The following SUPT3H variants were observed in gnomAD, a reference collection of about 807,000 sequenced individuals.
SUPT3H encodes the protein SPT3 homolog, SAGA and STAGA complex component.
Under a neutral mutation model 44.3 loss-of-function variants are expected in SUPT3H, and 44 were observed. The ratio of observed to expected loss-of-function variants is 0.99; its 90% CI spans 0.78 to 1.28. The LOEUF is 1.28. Among genes scored for constraint, SUPT3H ranks in the 50% most tolerant of loss-of-function variants. The pLI is 0.00. For missense variants in SUPT3H, 380 were observed against 387.1 expected (o/e 0.98, Z 0.15); for synonymous variants, 124 against 125.6 (o/e 0.99, Z 0.09).
intron 10 of SUPT3H, among the ~76,000 whole-genome samples, chr6:44,885,825 A>C (rs576402087): frequency 5.9e-5 from 9 of 152,336 alleles, no homozygotes; most frequent in Admixed American, 1.3e-4. Flanking sequence ...TCCGAGCTAC[A>C]GGAGGAAATT....
At chr6:45,055,220 A>C (rs985848078) in intron 3 of SUPT3H, among the ~76,000 whole-genome samples, 1 of 152,182 alleles carries the variant, frequency 6.6e-6, no homozygotes, top group Non-Finnish European at 1.5e-5. Flanking sequence ...GGGTAGAATC[A>C]GTATTGTGAA....
chr6:45,161,456 G>C (rs1372651959), intron 2 of SUPT3H, among the ~76,000 whole-genome samples: 1 of 152,142 alleles, frequency 6.6e-6, no homozygotes, highest in Non-Finnish European at 1.5e-5. Context: ...TGAGAGTATG[G>C]ACACTAGAAA....
chr6:45,253,848 C>CAT (rs34256293), intron 2 of SUPT3H, among the ~76,000 whole-genome samples: 14,326 of 88,660 alleles, frequency 0.16, 1,854 homozygotes, highest in East Asian at 0.42. Context: ...CACATATACG[C>CAT]ATATATATAT....
At chr6:45,077,988 AAC>A (rs1795248758) in intron 3 of SUPT3H, among the ~76,000 whole-genome samples, 1 of 152,142 alleles carries the variant, frequency 6.6e-6, no homozygotes, top group African/African-American at 2.4e-5. Context: ...GGGGTGGGGG[AAC>A]ACACAATCTA....
chr6:45,311,359 AGAC>A (rs1192124093), intron 2 of SUPT3H, among the ~76,000 whole-genome samples: 1 of 152,232 alleles, frequency 6.6e-6, no homozygotes, highest in Admixed American at 6.5e-5. Context: ...CTGAGGAAGA[AGAC>A]AATTCTAAAA....
intron 6 of SUPT3H, among the ~76,000 whole-genome samples, chr6:44,969,708 T>A (rs1175264620): frequency 6.6e-6 from 1 of 152,222 alleles, no homozygotes; most frequent in Non-Finnish European, 1.5e-5. Flanking sequence ...CAAAAGTTCA[T>A]TTAGGTTTGA....
Position 45,005,196 on chromosome 6 carries a change from T to C in SUPT3H, c.365-1404A>G, listed in dbSNP as rs1782537233. Among the ~76,000 whole-genome samples the C allele has an allele frequency of 2.6e-5, 4 of 152,212 alleles. No homozygotes were observed. The South Asian group carries it at 8.3e-4, about 32-fold the overall frequency. The stretch of plus-strand genomic sequence containing the variant: ...GAAAAGCCTAATAAATGTAAAGTGA[T>C]ACATCATTGTGATTAAAATATTTAA... On this transcript the variant is annotated intron_variant, in intron 5 of 10. Coordinates refer to ENST00000371459, the MANE Select transcript of SUPT3H (RefSeq NM_003599.4).
chr6:45,192,392 T>C (rs1815288513), intron 2 of SUPT3H, among the ~76,000 whole-genome samples: 1 of 152,146 alleles, frequency 6.6e-6, no homozygotes, highest in African/African-American at 2.4e-5. Flanking sequence ...AGAATTATAT[T>C]CTTTGAAATG....
rs945555872 is a variant in SUPT3H at position 45,312,693 on chromosome 6, G to T, written c.101+52508C>A. On this transcript the variant is annotated intron_variant, in intron 2 of 10. Transcript: ENST00000371459. Reference sequence around the variant, plus strand: ...GCAACACAATAATGTGGGGGGGGGGGGGGACTTCAATACTCCACTGACAGC... The same window carrying T: ...GCAACACAATAATGTGGGGGGGGGGTGGGACTTCAATACTCCACTGACAGC... 3.9e-5 allele frequency among the ~76,000 whole-genome samples: 5 copies of T among 129,280 alleles called. 1 individual carries two copies. Among genetic ancestry groups the T allele is most frequent in the Non-Finnish European group, 6.6e-5 (4 of 60,702 alleles). 84.8% of individuals were successfully genotyped at this position (129,280 alleles called of 152,430 possible). A position where few individuals can be genotyped will look rare whatever the true frequency, so the allele number is the denominator to read the frequency against.
At position 45,181,573 on chromosome 6, in the gene SUPT3H, G is replaced by A. The variant is rs1315019377; in HGVS notation, c.102-75567C>T. On this transcript the variant is annotated intron_variant, in intron 2 of 10. Coordinates refer to ENST00000371459, the MANE Select transcript of SUPT3H (RefSeq NM_003599.4). ...GAGTTCATGTCCTTTGTAGGGACAT[G>A]GATGAAATTGGAAATCATCATTCTC... Among the ~76,000 whole-genome samples, 4 of 151,748 alleles carry A rather than the reference G, an allele frequency of 2.6e-5. No homozygotes were observed. In the East Asian group the frequency reaches 7.8e-4, roughly 29 times the overall value.
chr6:44,932,526 T>C (rs2153461579), intron 10 of SUPT3H, 127 bp downstream of exon 10: 2 of 613,124 alleles, frequency 3.3e-6, no homozygotes, highest in Middle Eastern at 4.3e-4. Flanking sequence ...ATGCCACTTT[T>C]ATACAACAAA....
chr6:45,033,404 A>T (rs1440445001), intron 3 of SUPT3H, among the ~76,000 whole-genome samples: 1 of 152,130 alleles, frequency 6.6e-6, no homozygotes, highest in Non-Finnish European at 1.5e-5. Flanking sequence ...AGTATAGGCC[A>T]GTCATGGGGC....
At chr6:45,332,748 C>G (rs1036506772) in intron 2 of SUPT3H, among the ~76,000 whole-genome samples, 1 of 151,622 alleles carries the variant, frequency 6.6e-6, no homozygotes, top group African/African-American at 2.4e-5. Context: ...GCCATCAACT[C>G]AATGTGAAAA....
At chr6:45,285,679 T>C (rs982966025) in intron 2 of SUPT3H, among the ~76,000 whole-genome samples, 3 of 152,162 alleles carry the variant, frequency 2.0e-5, no homozygotes, top group Non-Finnish European at 4.4e-5. Flanking sequence ...CAAGATAATT[T>C]ATAGATTCAA....
chr6:45,081,591 G>C (rs1420306764), intron 3 of SUPT3H, among the ~76,000 whole-genome samples: 2 of 152,094 alleles, frequency 1.3e-5, no homozygotes, highest in Non-Finnish European at 2.9e-5. Flanking sequence ...ATAAGTCTTT[G>C]ATGAGTGAAT....
At chr6:45,194,824 C>T (rs914814071) in intron 2 of SUPT3H, among the ~76,000 whole-genome samples, 4 of 152,110 alleles carry the variant, frequency 2.6e-5, no homozygotes, top group African/African-American at 9.7e-5. Flanking sequence ...CAATCTCATC[C>T]TAAGTAGTAT....
At chr6:45,282,705 C>A (rs1433665613) in intron 2 of SUPT3H, among the ~76,000 whole-genome samples, 1 of 152,062 alleles carries the variant, frequency 6.6e-6, no homozygotes, top group South Asian at 2.1e-4. Context: ...GCAAGGCAGG[C>A]CAACATGCAA....
intron 2 of SUPT3H, among the ~76,000 whole-genome samples, chr6:45,130,783 T>C (rs192028912): frequency 6.8e-5 from 10 of 146,568 alleles, no homozygotes; most frequent in Non-Finnish European, 1.3e-4. Flanking sequence ...AATGGCATGA[T>C]CTCGGCTCAC....
intron 2 of SUPT3H, among the ~76,000 whole-genome samples, chr6:45,152,893 T>C (rs1356021673): frequency 6.6e-6 from 1 of 152,180 alleles, no homozygotes; most frequent in Non-Finnish European, 1.5e-5. Context: ...CTCCTGATCA[T>C]GCCCTACAAG....
Sources: gnomAD v4.1 joint callset for allele counts (sites outside exome capture counted in the v4.1 genomes callset) on GRCh38, gnomAD v4.1.1 for gene constraint, MANE v1.5 for transcripts, NCBI Gene and HGNC (gene_info 2026-07-23, HGNC 2026-07-21) for gene names.